The following FBN1 variants were observed in gnomAD, a reference collection of about 807,000 sequenced individuals.
FBN1 encodes the protein fibrillin 1.
In FBN1, 29 loss-of-function variants were observed where a neutral mutation model predicts 365.1. That is an observed-to-expected ratio of 0.08 (90% CI 0.06 to 0.11). The LOEUF is 0.11. Ranked by LOEUF, FBN1 falls within the 10% of genes least tolerant of loss-of-function variation. The pLI, the probability that FBN1 is intolerant of heterozygous loss-of-function variation, is 1.00. For synonymous variants in FBN1, 1,210 were observed against 1,270.5 expected, an observed-to-expected ratio of 0.95 and a Z score of 1.01; for missense variants, 2,476 against 3,703.2, an observed-to-expected ratio of 0.67 and a Z score of 8.60.
intron 32 of FBN1, chr15:48,476,612 T>TTTC (rs2043420238): frequency 7.7e-6 from 1 of 129,382 alleles, no homozygotes; most frequent in Non-Finnish European, 1.6e-5. Context: ...TTTCTTTTCT[T>TTTC]TTTTTTTTTT....
chr15:48,574,227 A>C (rs914386162), intron 6 of FBN1, among the ~76,000 whole-genome samples: 1 of 152,246 alleles, frequency 6.6e-6, no homozygotes, highest in Admixed American at 6.5e-5. Flanking sequence ...AGACAGTGAA[A>C]TGAACCAGTG....
intron 2 of FBN1, among the ~76,000 whole-genome samples, chr15:48,627,181 T>C (rs1212812103): frequency 6.6e-6 from 1 of 152,250 alleles, no homozygotes; most frequent in Non-Finnish European, 1.5e-5. Context: ...TCATTTTTTG[T>C]GCTCTGATTT....
chr15:48,594,872 A>C (rs2044505017), intron 6 of FBN1, among the ~76,000 whole-genome samples: 1 of 152,224 alleles, frequency 6.6e-6, no homozygotes, highest in African/African-American at 2.4e-5. Context: ...TAACAATTTT[A>C]ATCTCCTACA....
intron 6 of FBN1, among the ~76,000 whole-genome samples, chr15:48,558,668 G>A (rs1263938212): frequency 6.6e-6 from 1 of 152,184 alleles, no homozygotes; most frequent in Non-Finnish European, 1.5e-5. Context: ...ATGAATAGCA[G>A]ACAGATCAGA....
At chr15:48,499,131 G>C in intron 17 of FBN1, 93 bp from the exon 18 acceptor site, 1 of 1,266,048 alleles carries the variant, frequency 7.9e-7, no homozygotes. Context: ...CCTCCAAAGT[G>C]AGTAGAACCA....
At chr15:48,518,161 C>T (rs1022010421) in intron 10 of FBN1, among the ~76,000 whole-genome samples, 5 of 152,204 alleles carry the variant, frequency 3.3e-5, no homozygotes, top group Admixed American at 6.5e-5. Context: ...GTTGTTCATG[C>T]TTCCCTGACT....
chr15:48,602,491 T>C (rs1342755130), intron 4 of FBN1, among the ~76,000 whole-genome samples: 1 of 152,196 alleles, frequency 6.6e-6, no homozygotes, highest in African/African-American at 2.4e-5. Context: ...TCATGCTGCC[T>C]GATGATGACA....
chr15:48,560,207 G>A (rs773428089), intron 6 of FBN1, among the ~76,000 whole-genome samples: 2 of 152,068 alleles, frequency 1.3e-5, no homozygotes, highest in South Asian at 2.1e-4. Flanking sequence ...GAGACAAAGC[G>A]CACACACCTT....
At chr15:48,613,418 A>C (rs962571725) in intron 2 of FBN1, among the ~76,000 whole-genome samples, 4 of 152,200 alleles carry the variant, frequency 2.6e-5, no homozygotes, top group African/African-American at 4.8e-5. Flanking sequence ...TAAATTTCTT[A>C]CCAATATGGT....
intron 10 of FBN1, among the ~76,000 whole-genome samples, chr15:48,516,832 T>C (rs1465883149): frequency 6.6e-6 from 1 of 152,154 alleles, no homozygotes; most frequent in Non-Finnish European, 1.5e-5. Context: ...AGAACATTAC[T>C]GCGGGGAGGC....
chr15:48,431,027 C>T (rs1363304478), intron 55 of FBN1, among the ~76,000 whole-genome samples: 11 of 152,070 alleles, frequency 7.2e-5, no homozygotes, highest in Admixed American at 7.2e-4. Flanking sequence ...AACTGATGAC[C>T]TCTTCAAGAA....
chr15:48,484,122 A>G (rs2043487016), intron 30 of FBN1, among the ~76,000 whole-genome samples, 179 bp from the exon 31 acceptor site: 2 of 152,226 alleles, frequency 1.3e-5, no homozygotes. Flanking sequence ...TAAAAAAGGA[A>G]AAAATATTTT....
chr15:48,586,224 T>C (rs960813511), intron 6 of FBN1, among the ~76,000 whole-genome samples: 1 of 152,030 alleles, frequency 6.6e-6, no homozygotes, highest in Non-Finnish European at 1.5e-5. Flanking sequence ...TTAAAGTGAA[T>C]GGCAAAAACC....
rs1349998972 is a variant in FBN1 at position 48,427,706 on chromosome 15, C to T, written c.7065G>A (p.Arg2355=). ...QNMCQIGSSN[R]NPVTKSECCC... ...AGCATTCCGATTTGGTGACGGGGTT[C>T]CTGTTGCTGGAGCCGATCTGACACA... Residue 2355 remains arginine, a synonymous_variant, in exon 58 of 66, where the codon AGG becomes AGA. Transcript: ENST00000316623. 1.9e-6 allele frequency: 3 copies of T among 1,614,114 alleles called. 1 individual carries two copies. Among genetic ancestry groups the T allele is most frequent in the Non-Finnish European group, 8.5e-7 (1 of 1,180,010 alleles).
chr15:48,510,712 T>C (rs1237673164), intron 13 of FBN1, among the ~76,000 whole-genome samples: 1 of 152,172 alleles, frequency 6.6e-6, no homozygotes, highest in Non-Finnish European at 1.5e-5. Context: ...AAAAAACAAC[T>C]TTATGAGTAT....
At position 48,448,783 on chromosome 15, in the gene FBN1, G is replaced by C. The variant is rs1038114901; in HGVS notation, c.5656C>G (p.Gln1886Glu). ...CHTGFKTNDD[Q>E]TMCLDINECE... ...GCATACTTACCCAAGCACATGGTTT[G>C]GTCATCATTTGTTTTAAAACCAGTG... Residue 1886 changes from glutamine to glutamate, a missense_variant, in exon 46 of 66, where the codon CAA becomes GAA. Transcript: ENST00000316623. 10 of 1,612,614 alleles carry C rather than the reference G, an allele frequency of 6.2e-6. No individual in the cohort carries two copies. The African/African-American group carries it at 1.2e-4, about 19-fold the overall frequency.
intron 59 of FBN1, 51 bp downstream of exon 59, chr15:48,425,688 C>T (rs1445023527): frequency 6.3e-7 from 1 of 1,593,144 alleles, no homozygotes; most frequent in Non-Finnish European, 8.6e-7. Flanking sequence ...TTTTTTTTTC[C>T]ATAATCTAAA....
chr15:48,496,235 C>G lies in FBN1; in HGVS notation c.2294-10G>C, dbSNP rs754037591. Reference sequence around the variant, plus strand: ...ACACATTCATTAATATCTGCAAAGTCAATGAAAATAAACACTTAAAAAGGG... The same window carrying G: ...ACACATTCATTAATATCTGCAAAGTGAATGAAAATAAACACTTAAAAAGGG... On this transcript the variant is annotated splice_polypyrimidine_tract_variant and intron_variant, in intron 19 of 65. Transcript: ENST00000316623. 6.2e-7 allele frequency: 1 copy of G among 1,613,430 alleles called. No homozygotes were observed.
chr15:48,541,678 A>T (rs1292843098), intron 6 of FBN1, among the ~76,000 whole-genome samples: 1 of 151,994 alleles, frequency 6.6e-6, no homozygotes, highest in Admixed American at 6.5e-5. Context: ...CCAATTATTT[A>T]CAATTATTCC....
Sources: gnomAD v4.1 joint callset for allele counts (sites outside exome capture counted in the v4.1 genomes callset) on GRCh38, gnomAD v4.1.1 for gene constraint, MANE v1.5 for transcripts, NCBI Gene and HGNC (gene_info 2026-07-23, HGNC 2026-07-21) for gene names.